The following CALN1 variants were observed in gnomAD, a reference collection of about 807,000 sequenced individuals.
CALN1 encodes calneuron 1.
Under a neutral mutation model 30.6 loss-of-function variants are expected in CALN1, and 17 were observed. That is an observed-to-expected ratio of 0.56 (90% CI 0.38 to 0.83). The LOEUF (loss-of-function observed/expected upper bound fraction) is 0.83. Ranked by LOEUF, CALN1 falls within the 40% of genes least tolerant of loss-of-function variation. The pLI is 0.00. For synonymous variants in CALN1, 156 were observed against 131.4 expected, an observed-to-expected ratio of 1.19 and a Z score of -1.28; for missense variants, 291 against 354.9, an observed-to-expected ratio of 0.82 and a Z score of 1.45.
intron 4 of CALN1, among the ~76,000 whole-genome samples, chr7:72,063,033 AAAAC>A (rs1345314449): frequency 6.6e-6 from 1 of 152,210 alleles, no homozygotes; most frequent in Non-Finnish European, 1.5e-5. Context: ...ATTACAAGAA[AAAAC>A]AAACAAAAAA....
chr7:72,173,304 C>A (rs1789101791), intron 3 of CALN1, among the ~76,000 whole-genome samples: 2 of 151,766 alleles, frequency 1.3e-5, no homozygotes, highest in Admixed American at 6.6e-5. Context: ...GTTATTTGGG[C>A]CTTAAGGAAG....
chr7:72,326,709 G>A (rs772967408), intron 2 of CALN1, among the ~76,000 whole-genome samples: 9 of 152,084 alleles, frequency 5.9e-5, no homozygotes, highest in African/African-American at 9.7e-5. Context: ...AAACCCTCTC[G>A]GTTTTCATGA....
intron 2 of CALN1, among the ~76,000 whole-genome samples, chr7:72,294,380 T>C (rs959707994): frequency 4.6e-5 from 7 of 152,120 alleles, no homozygotes; most frequent in Non-Finnish European, 8.8e-5. Flanking sequence ...GAGGGTAAAA[T>C]TCAAAATGAT....
intron 1 of CALN1, among the ~76,000 whole-genome samples, chr7:72,410,968 G>A (rs1807092781): frequency 1.3e-5 from 2 of 152,142 alleles, no homozygotes; most frequent in Admixed American, 1.3e-4. Flanking sequence ...GTTATTTTAA[G>A]GTGATATGAT....
chr7:71,980,889 T>G (rs935539617), intron 5 of CALN1, among the ~76,000 whole-genome samples: 2 of 152,028 alleles, frequency 1.3e-5, no homozygotes, highest in Non-Finnish European at 2.9e-5. Flanking sequence ...GCTCATTCCT[T>G]GAAAGCAGGT....
At chr7:72,055,768 C>T (rs1476012180) in intron 4 of CALN1, among the ~76,000 whole-genome samples, 2 of 152,156 alleles carry the variant, frequency 1.3e-5, no homozygotes, top group Admixed American at 6.5e-5. Flanking sequence ...TGCTAACGCT[C>T]TGGGGGGCTG....
chr7:71,904,334 T>C (rs1445506487), intron 5 of CALN1, among the ~76,000 whole-genome samples: 1 of 152,184 alleles, frequency 6.6e-6, no homozygotes, highest in Non-Finnish European at 1.5e-5. Context: ...GAAAATGTAG[T>C]ATATATTCCC....
At chr7:72,201,317 G>A (rs187646156) in intron 3 of CALN1, among the ~76,000 whole-genome samples, 105 of 152,268 alleles carry the variant, frequency 6.9e-4, no homozygotes, top group Middle Eastern at 3.4e-3. Context: ...TGCAGGGCAC[G>A]GTGGCTCACG....
chr7:72,227,278 G>A (rs897582216), intron 3 of CALN1, among the ~76,000 whole-genome samples: 3 of 150,784 alleles, frequency 2.0e-5, no homozygotes, highest in South Asian at 4.2e-4. Flanking sequence ...GGTGGCCTAC[G>A]TCTGTAATCT....
intron 5 of CALN1, among the ~76,000 whole-genome samples, chr7:71,942,669 T>A (rs1331673288): frequency 6.6e-6 from 1 of 152,196 alleles, no homozygotes; most frequent in Non-Finnish European, 1.5e-5. Context: ...TGGCGATCCA[T>A]CAACTAGTGA....
At chr7:72,127,963 A>G (rs111571238) in intron 3 of CALN1, among the ~76,000 whole-genome samples, 12 of 152,292 alleles carry the variant, frequency 7.9e-5, no homozygotes, top group African/African-American at 2.6e-4. Flanking sequence ...TTGCTTCACA[A>G]TATTCCATGA....
At chr7:72,400,723 G>T (rs570861779) in intron 2 of CALN1, among the ~76,000 whole-genome samples, 47 of 152,296 alleles carry the variant, frequency 3.1e-4, no homozygotes, top group Admixed American at 1.3e-3. Context: ...TATAAAATTA[G>T]CTGGGTTTGG....
intron 5 of CALN1, among the ~76,000 whole-genome samples, chr7:72,006,582 T>A (rs376634777): frequency 2.7e-5 from 4 of 150,102 alleles, no homozygotes; most frequent in African/African-American, 5.0e-5. Context: ...AGATTTTTTT[T>A]AAAGAAAAAG....
In CALN1 at chr7:72,399,930, G is replaced by A. The variant is rs566543691; in HGVS notation, c.119+3321C>T. Among the ~76,000 whole-genome samples, 6 of 152,252 alleles carry A rather than the reference G, an allele frequency of 3.9e-5. No homozygotes were observed. The South Asian group carries it at 1.2e-3, about 32-fold the overall frequency. On this transcript the variant is annotated intron_variant, in intron 2 of 6. Transcript: ENST00000395275. ...ATGCAAGAGCTAGTTGTTAAAAAGAGCCTGGCATCTCTCTTGTTCCCTCTC... is the reference window on the plus strand; with the variant it reads ...ATGCAAGAGCTAGTTGTTAAAAAGAACCTGGCATCTCTCTTGTTCCCTCTC...
chr7:72,062,526 A>AG (rs1475912695), intron 4 of CALN1, among the ~76,000 whole-genome samples: 13 of 135,018 alleles, frequency 9.6e-5, no homozygotes, highest in African/African-American at 2.6e-4. Flanking sequence ...AAAAAAAAAA[A>AG]AAAAGAAAAA....
chr7:72,148,614 G>GAA (rs1786967372), intron 3 of CALN1, among the ~76,000 whole-genome samples: 1 of 149,870 alleles, frequency 6.7e-6, no homozygotes, highest in African/African-American at 2.5e-5. Flanking sequence ...TCAAAGAAAA[G>GAA]AAAAAAGAGG....
rs114186861 is a variant in CALN1 at position 72,394,723 on chromosome 7, G to A, written c.119+8528C>T. The stretch of plus-strand genomic sequence containing the variant: ...GTTGCCCAGGCTGAAGTGCAGTGGC[G>A]CAATCGTAGCTCACTGCAGCCTTAA... On this transcript the variant is annotated intron_variant, in intron 2 of 6. Transcript: ENST00000395275. Among the ~76,000 whole-genome samples, 513 of 149,660 alleles carry A rather than the reference G, an allele frequency of 3.4e-3. 4 individuals are homozygous for A. The highest frequency in any genetic ancestry group is 0.012 in the African/African-American group (499 of 40,546).
intron 4 of CALN1, among the ~76,000 whole-genome samples, chr7:72,079,136 C>T (rs10216301): frequency 0.25 from 37,479 of 152,052 alleles, 4,865 homozygotes; most frequent in Middle Eastern, 0.29. Flanking sequence ...TTCAAGGATG[C>T]AAAGCTCACA....
intron 3 of CALN1, among the ~76,000 whole-genome samples, chr7:72,183,319 G>A (rs540059198): frequency 4.6e-5 from 7 of 152,304 alleles, no homozygotes; most frequent in Admixed American, 2.6e-4. Context: ...AGAAGGCAAG[G>A]AGGGGGAGAG....
Sources: gnomAD v4.1 joint callset for allele counts (sites outside exome capture counted in the v4.1 genomes callset) on GRCh38, gnomAD v4.1.1 for gene constraint, MANE v1.5 for transcripts, NCBI Gene and HGNC (gene_info 2026-07-23, HGNC 2026-07-21) for gene names.